PDZRN3: variants seen among roughly 807,000 people sequenced by gnomAD.
PDZRN3 encodes PDZ domain containing ring finger 3, also known as E3 ubiquitin-protein ligase PDZRN3.
In PDZRN3, 38 loss-of-function variants were observed where a neutral mutation model predicts 85.7. The observed-to-expected ratio is 0.44, with a 90% CI of 0.34 to 0.58. The LOEUF (loss-of-function observed/expected upper bound fraction) is 0.58, where lower values mean the gene tolerates loss of function less well. PDZRN3 is among the 20% of genes least tolerant of loss of function. The probability of loss-of-function intolerance (pLI) is 0.01; values close to 1 mark genes in which losing one functional copy is unlikely to be tolerated. For missense variants in PDZRN3, 1,629 were observed against 1,506.4 expected, an observed-to-expected ratio of 1.08 and a Z score of -1.35; for synonymous variants, 759 against 638.0, an observed-to-expected ratio of 1.19 and a Z score of -2.86.
intron 1 of PDZRN3, among the ~76,000 whole-genome samples, chr3:73,618,999 T>C (rs1702810644): frequency 6.6e-6 from 1 of 152,220 alleles, no homozygotes; most frequent in Non-Finnish European, 1.5e-5. Flanking sequence ...GGAACACCTT[T>C]TGATACAATT....
chr3:73,511,558 C>T (rs1452639196), intron 3 of PDZRN3, among the ~76,000 whole-genome samples: 3 of 152,150 alleles, frequency 2.0e-5, no homozygotes, highest in Non-Finnish European at 4.4e-5. Context: ...ATTTGCTGCA[C>T]GCCTCCCCCT....
chr3:73,531,387 T>A (rs999191794), intron 3 of PDZRN3, among the ~76,000 whole-genome samples: 1 of 152,166 alleles, frequency 6.6e-6, no homozygotes, highest in Non-Finnish European at 1.5e-5. Context: ...TGTGTCCTAT[T>A]CTACTGATGC....
intron 3 of PDZRN3, among the ~76,000 whole-genome samples, chr3:73,517,056 C>T (rs1248705965): frequency 6.6e-6 from 1 of 152,198 alleles, no homozygotes; most frequent in African/African-American, 2.4e-5. Flanking sequence ...GCTTATTTCA[C>T]TTCCCATCTG....
At chr3:73,396,994 G>A (rs1701650675) in intron 5 of PDZRN3, among the ~76,000 whole-genome samples, 1 of 151,828 alleles carries the variant, frequency 6.6e-6, no homozygotes, top group South Asian at 2.1e-4. Flanking sequence ...TACTTTAAAA[G>A]GGAGAACATC....
intron 3 of PDZRN3, among the ~76,000 whole-genome samples, chr3:73,469,858 T>C (rs1420906578): frequency 6.6e-6 from 1 of 152,226 alleles, no homozygotes; most frequent in Non-Finnish European, 1.5e-5. Flanking sequence ...AATATCTTGG[T>C]AGCTTAAGGC....
intron 1 of PDZRN3, among the ~76,000 whole-genome samples, chr3:73,613,874 C>T (rs1702721801): frequency 6.6e-6 from 1 of 151,966 alleles, no homozygotes; most frequent in African/African-American, 2.4e-5. Context: ...TTAGCTGGGC[C>T]CCTAATGCAA....
At chr3:73,427,585 G>A (rs1342856206) in intron 3 of PDZRN3, among the ~76,000 whole-genome samples, 1 of 152,214 alleles carries the variant, frequency 6.6e-6, no homozygotes, top group South Asian at 2.1e-4. Flanking sequence ...CACAGAGAGA[G>A]GGGCTGTCTT....
Position 73,506,861 on chromosome 3 carries a change from C to T in PDZRN3, c.918+95493G>A, listed in dbSNP as rs567028940. On this transcript the variant is annotated intron_variant, in intron 3 of 9. Transcript: ENST00000263666. The stretch of plus-strand genomic sequence containing the variant: ...GAGGATGCAATCAGCTATGACTGTG[C>T]CACTGTACTCCAGCAGCCCAGGTGA... Among the ~76,000 whole-genome samples the T allele has an allele frequency of 2.7e-5, 4 of 150,932 alleles. No homozygotes were observed. The East Asian group carries it at 5.9e-4, about 22-fold the overall frequency.
At chr3:73,452,958 C>T (rs140035096) in intron 3 of PDZRN3, among the ~76,000 whole-genome samples, 173 of 151,898 alleles carry the variant, frequency 1.1e-3, no homozygotes, top group African/African-American at 4.0e-3. Flanking sequence ...TCCTGTCTCA[C>T]AGCTGACATT....
chr3:73,471,807 A>T (rs2106886948), intron 3 of PDZRN3, among the ~76,000 whole-genome samples: 1 of 152,376 alleles, frequency 6.6e-6, no homozygotes, highest in South Asian at 2.1e-4. Flanking sequence ...ATTCACAAGA[A>T]TTCTAATGGA....
chr3:73,434,945 G>T (rs1011024503), intron 3 of PDZRN3, among the ~76,000 whole-genome samples: 1 of 152,178 alleles, frequency 6.6e-6, no homozygotes, highest in African/African-American at 2.4e-5. Context: ...TTGCCTGAAC[G>T]AAATGCACAG....
At chr3:73,481,917 C>G (rs566585863) in intron 3 of PDZRN3, among the ~76,000 whole-genome samples, 1 of 152,306 alleles carries the variant, frequency 6.6e-6, no homozygotes, top group Admixed American at 6.5e-5. Context: ...TTCGCACCCC[C>G]ACACAAAGCT....
intron 3 of PDZRN3, among the ~76,000 whole-genome samples, chr3:73,434,462 G>T (rs1316496108): frequency 6.6e-6 from 1 of 152,110 alleles, no homozygotes; most frequent in African/African-American, 2.4e-5. Flanking sequence ...TAAATTGCAG[G>T]ATATATCCAT....
At chr3:73,502,743 C>A (rs1704004606) in intron 3 of PDZRN3, among the ~76,000 whole-genome samples, 1 of 152,164 alleles carries the variant, frequency 6.6e-6, no homozygotes, top group African/African-American at 2.4e-5. Context: ...AAAGCAAATC[C>A]CCCAGAGGCC....
rs181552872 is a variant in PDZRN3 at position 73,464,029 on chromosome 3, G to A, written c.919-59634C>T. 6.5e-4 allele frequency among the ~76,000 whole-genome samples: 98 copies of A among 151,920 alleles called. 1 individual carries two copies. Among genetic ancestry groups the A allele is most frequent in the Admixed American group, 3.2e-3 (49 of 15,244 alleles). The stretch of plus-strand genomic sequence containing the variant: ...GAGACAGAGTCTTACACCGTCTCCC[G>A]GGCTGGAGTGAAACAGGGCGATCTC... On this transcript the variant is annotated intron_variant, in intron 3 of 9. Transcript: ENST00000263666.
intron 3 of PDZRN3, among the ~76,000 whole-genome samples, chr3:73,462,217 C>G (rs1446649421): frequency 6.6e-6 from 1 of 152,072 alleles, no homozygotes; most frequent in East Asian, 1.9e-4. Context: ...TCAGAACAAT[C>G]TGAATGGTAA....
intron 3 of PDZRN3, among the ~76,000 whole-genome samples, chr3:73,508,003 G>A: frequency 6.6e-6 from 1 of 152,250 alleles, no homozygotes; most frequent in African/African-American, 2.4e-5. Flanking sequence ...TGAGGCACAT[G>A]AGAATGGCTT....
At chr3:73,481,033 G>A (rs1703550946) in intron 3 of PDZRN3, among the ~76,000 whole-genome samples, 1 of 152,194 alleles carries the variant, frequency 6.6e-6, no homozygotes, top group Non-Finnish European at 1.5e-5. Flanking sequence ...TAGGGCTTGA[G>A]TAAGTGATTG....
chr3:73,411,860 TA>T (rs992365803), intron 3 of PDZRN3, among the ~76,000 whole-genome samples: 56 of 152,340 alleles, frequency 3.7e-4, no homozygotes, highest in African/African-American at 1.3e-3. Flanking sequence ...TTAATCATGA[TA>T]AACCCAACAG....
Sources: gnomAD v4.1 joint callset for allele counts (sites outside exome capture counted in the v4.1 genomes callset) on GRCh38, gnomAD v4.1.1 for gene constraint, MANE v1.5 for transcripts, NCBI Gene and HGNC (gene_info 2026-07-23, HGNC 2026-07-21) for gene names.